The following STK3 variants were observed in gnomAD, a reference collection of about 807,000 sequenced individuals.
The protein encoded by STK3 is serine/threonine kinase 3.
A neutral mutation model predicts 58.0 loss-of-function variants in STK3; 41 were observed. The ratio of observed to expected loss-of-function variants is 0.71; its 90% confidence interval spans 0.55 to 0.92. STK3 has a LOEUF of 0.92. STK3 is among the 40% of genes least tolerant of loss of function. The pLI is 0.00. For missense variants in STK3, 479 were observed against 602.7 expected, an observed-to-expected ratio of 0.79 and a Z score of 2.15; for synonymous variants, 170 against 191.0, an observed-to-expected ratio of 0.89 and a Z score of 0.91.
intron 1 of STK3, among the ~76,000 whole-genome samples, chr8:98,793,760 T>G (rs891876976): frequency 6.6e-6 from 1 of 151,976 alleles, no homozygotes; most frequent in Non-Finnish European, 1.5e-5. Flanking sequence ...CGTCTGCACA[T>G]GGAAGATACT....
intron 3 of STK3, among the ~76,000 whole-genome samples, chr8:98,867,270 G>A (rs1322715108): frequency 6.6e-6 from 1 of 152,140 alleles, no homozygotes; most frequent in Non-Finnish European, 1.5e-5. Flanking sequence ...ACAAAAATTA[G>A]TTGGGCGTGG....
intron 3 of STK3, among the ~76,000 whole-genome samples, chr8:98,420,205 C>A (rs1442987633): frequency 6.6e-6 from 1 of 152,112 alleles, no homozygotes; most frequent in East Asian, 1.9e-4. Flanking sequence ...CTGTCCCATC[C>A]AGGACAGCAA....
chr8:98,815,356 C>CTA (rs1434350776), intron 1 of STK3, among the ~76,000 whole-genome samples: 1 of 152,140 alleles, frequency 6.6e-6, no homozygotes, highest in African/African-American at 2.4e-5. Context: ...GAATAAAATG[C>CTA]TATTAAAAAT....
At chr8:98,430,385 G>A (rs181751922) in intron 3 of STK3, 15 of 167,226 alleles carry the variant, frequency 9.0e-5, no homozygotes, top group African/African-American at 3.1e-4. Context: ...GTAAGGTCGT[G>A]TTGTCTTCCT....
At chr8:98,907,164 A>C (rs111660868) in intron 1 of STK3, among the ~76,000 whole-genome samples, 1 of 151,592 alleles carries the variant, frequency 6.6e-6, no homozygotes, top group South Asian at 2.1e-4. Flanking sequence ...TCTCAAAAGC[A>C]ACCAAAAAAC....
chr8:98,676,466 A>G (rs1249179126), intron 6 of STK3, among the ~76,000 whole-genome samples: 1 of 152,186 alleles, frequency 6.6e-6, no homozygotes, highest in African/African-American at 2.4e-5. Flanking sequence ...TACAAAAATT[A>G]GCCAGGAGTG....
At chr8:98,695,755 T>A (rs1161949087) in intron 6 of STK3, among the ~76,000 whole-genome samples, 1 of 152,218 alleles carries the variant, frequency 6.6e-6, no homozygotes. Flanking sequence ...AGTACCATGC[T>A]GTTTTGGTTA....
chr8:98,529,083 G>C (rs532806260), intron 9 of STK3, among the ~76,000 whole-genome samples: 72 of 152,230 alleles, frequency 4.7e-4, no homozygotes, highest in African/African-American at 1.7e-3. Flanking sequence ...AATAGTCCTA[G>C]CACAGTTGAA....
intron 1 of STK3, chr8:98,782,186 GA>G (rs1463779610): frequency 9.9e-6 from 2 of 202,360 alleles, no homozygotes; most frequent in African/African-American, 2.4e-5. Flanking sequence ...AAGATGGGCT[GA>G]TTATCCATAA....
rs542633429 is a variant in STK3 at position 98,419,653 on chromosome 8, CCT to C, written n.483+14472_483+14473del. The stretch of plus-strand genomic sequence containing the variant: ...TAGCAATGAGGACTTTCCTGTGCCC[CCT>C]GTCTCCACCTTGGGAGAAATGGATG... On this transcript the variant is annotated intron_variant and non_coding_transcript_variant, in intron 3 of 3. Coordinates refer to the STK3 transcript ENST00000517832. Among the ~76,000 whole-genome samples the C allele has an allele frequency of 1.2e-4, 18 of 152,324 alleles. 1 individual carries two copies. In the South Asian group the frequency reaches 3.7e-3, roughly 32 times the overall value.
chr8:98,760,730 G>A (rs1830565885), intron 3 of STK3, among the ~76,000 whole-genome samples: 1 of 72,044 alleles, frequency 1.4e-5, no homozygotes, highest in African/African-American at 4.2e-5. Flanking sequence ...TGAGGGGGTG[G>A]GGGGCTTCTG....
chr8:98,670,052 A>C (rs1822707983), intron 6 of STK3, among the ~76,000 whole-genome samples: 1 of 152,204 alleles, frequency 6.6e-6, no homozygotes, highest in African/African-American at 2.4e-5. Flanking sequence ...TTTGAAAATT[A>C]GTACTCACAA....
At chr8:98,597,154 G>T in intron 6 of STK3, 1 of 447,012 alleles carries the variant, frequency 2.2e-6, no homozygotes, top group Non-Finnish European at 3.0e-6. Context: ...AAATTGCAAG[G>T]CACTCAGGTA....
intron 10 of STK3, chr8:98,462,843 T>C (rs1419677371): frequency 6.6e-6 from 1 of 152,218 alleles, no homozygotes; most frequent in Non-Finnish European, 1.5e-5. Context: ...TTGGTTTAGA[T>C]CAATTGCTGG....
chr8:98,372,874 A>C (rs1052502160), intron 2 of STK3, among the ~76,000 whole-genome samples: 1 of 152,232 alleles, frequency 6.6e-6, no homozygotes, highest in African/African-American at 2.4e-5. Context: ...CTCATTTACA[A>C]TGTGAGAAAA....
At chr8:98,423,244 C>A (rs1818193164) in intron 3 of STK3, among the ~76,000 whole-genome samples, 1 of 152,246 alleles carries the variant, frequency 6.6e-6, no homozygotes, top group African/African-American at 2.4e-5. Flanking sequence ...ACAAGAGAAA[C>A]TGACCAAAGG....
upstream of STK3, among the ~76,000 whole-genome samples, chr8:98,827,714 G>T (rs1176745482): frequency 6.6e-6 from 1 of 151,704 alleles, no homozygotes; most frequent in African/African-American, 2.4e-5. Flanking sequence ...GAGTGCAGTG[G>T]TGTGATCATG....
chr8:98,615,183 A>C (rs1817586291), intron 6 of STK3, among the ~76,000 whole-genome samples: 2 of 150,260 alleles, frequency 1.3e-5, no homozygotes, highest in African/African-American at 4.9e-5. Context: ...ACTGGGAGGC[A>C]CCCCCTAGCA....
chr8:98,531,800 C>T (rs2131510152), intron 9 of STK3, among the ~76,000 whole-genome samples: 1 of 152,326 alleles, frequency 6.6e-6, no homozygotes. Context: ...TGCTGCTTCA[C>T]TTTGTACTTG....
Sources: allele counts gnomAD v4.1 joint callset (sites outside exome capture counted in the v4.1 genomes callset), GRCh38; gene constraint gnomAD v4.1.1; transcripts MANE v1.5; gene names NCBI Gene and HGNC (gene_info 2026-07-23, HGNC 2026-07-21).